The following KIRREL3 variants were observed in gnomAD, a reference collection of about 807,000 sequenced individuals.
KIRREL3 encodes the protein kirre like nephrin family adhesion molecule 3.
A neutral mutation model predicts 89.7 loss-of-function variants in KIRREL3; 36 were observed. The ratio of observed to expected loss-of-function variants is 0.40; its 90% CI spans 0.31 to 0.53. The LOEUF is 0.53. Among genes scored for constraint, KIRREL3 ranks in the 20% least tolerant of loss-of-function variants. The pLI is 0.49. For missense variants in KIRREL3, 864 were observed against 1,056.6 expected (o/e 0.82, Z 2.53); for synonymous variants, 445 against 441.4 (o/e 1.01, Z -0.10).
At chr11:126,435,929 T>G (rs557134155) in intron 12 of KIRREL3, among the ~76,000 whole-genome samples, 58 of 152,200 alleles carry the variant, frequency 3.8e-4, no homozygotes, top group African/African-American at 1.3e-3. Context: ...TGGTCCACCA[T>G]GGCTTAGCCC....
At chr11:126,923,181 CTTCTTCTCTTCTTCTTCTTCTTCT>C (rs1947462818) in intron 1 of KIRREL3, among the ~76,000 whole-genome samples, 2 of 21,456 alleles carry the variant, frequency 9.3e-5, no homozygotes, top group African/African-American at 1.9e-4. Context: ...TTCTTCTCTT[CTTCTTCTCTTCTTCTTCTTCTTCT>C]TCTTCTTCTT....
chr11:126,849,749 G>A (rs913341859), intron 1 of KIRREL3, among the ~76,000 whole-genome samples: 19 of 152,130 alleles, frequency 1.2e-4, no homozygotes, highest in Admixed American at 7.9e-4. Flanking sequence ...AGGTGGAGAC[G>A]GTGTGAAATG....
intron 1 of KIRREL3, among the ~76,000 whole-genome samples, chr11:126,833,151 AC>A (rs2134494980): frequency 6.6e-6 from 1 of 152,298 alleles, no homozygotes; most frequent in African/African-American, 2.4e-5. Context: ...GTGATTTGTT[AC>A]CCAGCACCAC....
chr11:126,563,506 G>A lies in KIRREL3; in HGVS notation c.56-594C>T, dbSNP rs1400232406. ...ACCTTTTGGAGAGGGTGCGTTTCTG[G>A]TGCTAGAGATTCCTGTGCCTTCCTA... On this transcript the variant is annotated intron_variant, in intron 1 of 16. Transcript: ENST00000525144. This position sits in a 1 kb window ranked among gnomAD's most constrained non-coding sequence, Gnocchi z 6.8. Among the ~76,000 whole-genome samples the A allele has an allele frequency of 1.3e-5, 2 of 152,110 alleles. No individual in the cohort carries two copies. Among genetic ancestry groups the A allele is most frequent in the Non-Finnish European group, 2.9e-5 (2 of 68,020 alleles).
At chr11:126,923,254 TCTTCTTCTTCTTCTCCTTCTCCTTCTC>T (rs1947521880) in intron 1 of KIRREL3, among the ~76,000 whole-genome samples, 3 of 95,176 alleles carry the variant, frequency 3.2e-5, no homozygotes, top group African/African-American at 1.4e-4. Flanking sequence ...TTCTTCTTCT[TCTTCTTCTTCTTCTCCTTCTCCTTCTC>T]CTTCTCCTTC....
Position 126,687,240 on chromosome 11 carries a change from C to G in KIRREL3, c.56-124328G>C, listed in dbSNP as rs1946699433. ...AGTGAGCTAGTCCTTATTTTCACAC[C>G]TGGCTTTCTTGCCTAAGCAAATTCA... is the stretch of plus-strand genomic sequence containing the variant. On this transcript the variant is annotated intron_variant, in intron 1 of 16. Transcript: ENST00000525144. The surrounding 1 kb of genome is among the most constrained non-coding windows in gnomAD (Gnocchi z 4.6). 6.6e-6 allele frequency among the ~76,000 whole-genome samples: 1 copy of G among 152,214 alleles called. No individual in the cohort carries two copies. The highest frequency in any genetic ancestry group is 2.4e-5 in the African/African-American group (1 of 41,454).
rs562092538 is a variant in KIRREL3, at chr11:126,901,582, G to C, written c.55+98873C>G. ...TGGGTGATGGCTTGGGACTATGGTGGTCCTGCTGGCAACCTCTTGGTGGTG... is the reference window on the plus strand; with the variant it reads ...TGGGTGATGGCTTGGGACTATGGTGCTCCTGCTGGCAACCTCTTGGTGGTG... On this transcript the variant is annotated intron_variant, in intron 1 of 16. Transcript: ENST00000525144. 1.4e-4 allele frequency among the ~76,000 whole-genome samples: 22 copies of C among 152,262 alleles called. No homozygotes were observed. In the East Asian group the frequency reaches 4.1e-3, roughly 28 times the overall value.
At chr11:126,659,828 C>A (rs148150718) in intron 1 of KIRREL3, among the ~76,000 whole-genome samples, 1 of 152,010 alleles carries the variant, frequency 6.6e-6, no homozygotes, top group Non-Finnish European at 1.5e-5. Context: ...AAATCAAGCT[C>A]GTGGGTGATT....
At chr11:126,832,912 T>C (rs547470191) in intron 1 of KIRREL3, among the ~76,000 whole-genome samples, 1 of 152,338 alleles carries the variant, frequency 6.6e-6, no homozygotes, top group Admixed American at 6.5e-5. Flanking sequence ...TAGACTTCAC[T>C]ATGGTGCACA....
chr11:126,564,130 T>C lies in KIRREL3; in HGVS notation c.56-1218A>G, dbSNP rs1940338293. ...CCAGGGTTTCTGGGCTCCTCCCTGCTCCTTCCTTTGATTTCTCAGAGAAAG... is the reference window on the plus strand; with the variant it reads ...CCAGGGTTTCTGGGCTCCTCCCTGCCCCTTCCTTTGATTTCTCAGAGAAAG... On this transcript the variant is annotated intron_variant, in intron 1 of 16. Coordinates refer to ENST00000525144, the MANE Select transcript of KIRREL3 (RefSeq NM_032531.4). The surrounding 1 kb of genome is among the most constrained non-coding windows in gnomAD (Gnocchi z 7.4). 6.6e-6 allele frequency among the ~76,000 whole-genome samples: 1 copy of C among 152,240 alleles called. No individual in the cohort carries two copies. The highest frequency in any genetic ancestry group is 2.4e-5 in the African/African-American group (1 of 41,454).
chr11:126,478,863 G>A (rs1022736891), intron 4 of KIRREL3, among the ~76,000 whole-genome samples: 2 of 152,128 alleles, frequency 1.3e-5, no homozygotes, highest in African/African-American at 4.8e-5. Flanking sequence ...GGGCAAAGCA[G>A]GAGCCCTTCT....
intron 5 of KIRREL3, among the ~76,000 whole-genome samples, chr11:126,472,800 A>G (rs1956935543): frequency 6.6e-6 from 1 of 152,028 alleles, no homozygotes; most frequent in South Asian, 2.1e-4. Context: ...AATGAGAAAA[A>G]GTGACACAGA....
rs567656489 is a variant in KIRREL3 at position 126,570,473 on chromosome 11, G to C, written c.56-7561C>G. Among the ~76,000 whole-genome samples, 1 of 152,296 alleles carries C rather than the reference G, an allele frequency of 6.6e-6. No individual in the cohort carries two copies. Among genetic ancestry groups the C allele is most frequent in the Admixed American group, 6.5e-5 (1 of 15,298 alleles). ...AAGTTATTGTCAGTTAGGAAGAGTTGACAATCATTTGTGATAATTCCAAAA... is the reference window on the plus strand; with the variant it reads ...AAGTTATTGTCAGTTAGGAAGAGTTCACAATCATTTGTGATAATTCCAAAA... On this transcript the variant is annotated intron_variant, in intron 1 of 16. Coordinates refer to ENST00000525144, the MANE Select transcript of KIRREL3 (RefSeq NM_032531.4). This position sits in a 1 kb window ranked among gnomAD's most constrained non-coding sequence, Gnocchi z 6.1.
Position 126,750,433 on chromosome 11 carries a change from C to T in KIRREL3, c.56-187521G>A, listed in dbSNP as rs192197916. Among the ~76,000 whole-genome samples, 11 of 152,322 alleles carry T rather than the reference C, an allele frequency of 7.2e-5. No individual in the cohort carries two copies. Among genetic ancestry groups the T allele is most frequent in the Admixed American group, 7.2e-4 (11 of 15,308 alleles). ...GTGAGGTTAGCCAGAGAGGAACACT[C>T]TTACCCTCTTTAGAAACAGAAGGGA... On this transcript the variant is annotated intron_variant, in intron 1 of 16. Coordinates refer to ENST00000525144, the MANE Select transcript of KIRREL3 (RefSeq NM_032531.4). The surrounding 1 kb of genome is among the most constrained non-coding windows in gnomAD (Gnocchi z 4.2).
At chr11:126,536,066 C>T (rs1434286222) in intron 2 of KIRREL3, among the ~76,000 whole-genome samples, 1 of 151,856 alleles carries the variant, frequency 6.6e-6, no homozygotes, top group Non-Finnish European at 1.5e-5. Context: ...GAGCCAAGAT[C>T]GCACCATTGC....
At position 126,471,454 on chromosome 11, in the gene KIRREL3, C is replaced by T. The variant is rs1401125085; in HGVS notation, c.591+1855G>A. Among the ~76,000 whole-genome samples, 1 of 151,488 alleles carries T rather than the reference C, an allele frequency of 6.6e-6. No homozygotes were observed. The highest frequency in any genetic ancestry group is 1.9e-4 in the East Asian group (1 of 5,166). Reference sequence around the variant, plus strand: ...AAAGACAGTTTGCTACTCATAGTTCCCAGAGGAAGGGGAGGCCCCAGGGTC... The same window carrying T: ...AAAGACAGTTTGCTACTCATAGTTCTCAGAGGAAGGGGAGGCCCCAGGGTC... On this transcript the variant is annotated intron_variant, in intron 5 of 16. Coordinates refer to ENST00000525144, the MANE Select transcript of KIRREL3 (RefSeq NM_032531.4). The surrounding 1 kb of genome is among the most constrained non-coding windows in gnomAD (Gnocchi z 5.4).
rs566093169 is a variant in KIRREL3, at chr11:126,710,156, TG to T, written c.56-147245del. On this transcript the variant is annotated intron_variant, in intron 1 of 16. Transcript: ENST00000525144. This position sits in a 1 kb window ranked among gnomAD's most constrained non-coding sequence, Gnocchi z 4.2. ...ATGCTTATTCTACTATTCTGTCCTG[TG>T]TCCATCAGTAGATGGGCTGGCATCA... Among the ~76,000 whole-genome samples, 125 of 152,318 alleles carry T rather than the reference TG, an allele frequency of 8.2e-4. 1 individual carries two copies. Among genetic ancestry groups the T allele is most frequent in the African/African-American group, 2.9e-3 (119 of 41,568 alleles).
intron 1 of KIRREL3, among the ~76,000 whole-genome samples, chr11:126,626,103 T>C (rs1943773602): frequency 6.6e-6 from 1 of 152,178 alleles, no homozygotes; most frequent in African/African-American, 2.4e-5. Context: ...ATCAGTAGGG[T>C]ATAGGGCAAA....
At chr11:127,000,896 G>A (rs1591452214), upstream of KIRREL3, 38 of 399,204 alleles carry the variant, frequency 9.5e-5, no homozygotes, top group East Asian at 1.4e-3. The surrounding 1 kb of genome is among the most constrained non-coding windows in gnomAD (Gnocchi z 7.1). Flanking sequence ...AGGGAGGGGA[G>A]ACAGGTCATA....
Sources: gnomAD v4.1 joint callset for allele counts (sites outside exome capture counted in the v4.1 genomes callset) on GRCh38, gnomAD v4.1.1 for gene constraint, Gnocchi (gnomAD v3.1) non-coding constraint, MANE v1.5 for transcripts, NCBI Gene and HGNC (gene_info 2026-07-23, HGNC 2026-07-21) for gene names.